Variants in RGS12 observed in about 807,000 individuals in gnomAD.
The protein encoded by RGS12 is regulator of G protein signaling 12, also known as regulator of G-protein signaling 12.
Under a neutral mutation model 120.1 loss-of-function variants are expected in RGS12, and 66 were observed. The ratio of observed to expected loss-of-function variants is 0.55; its 90% CI spans 0.45 to 0.67. RGS12 has a LOEUF of 0.67. Among genes scored for constraint, RGS12 ranks in the 30% least tolerant of loss-of-function variants. The pLI is 0.00. For missense variants in RGS12, 1,859 were observed against 1,957.7 expected (o/e 0.95, Z 0.95); for synonymous variants, 827 against 804.7 (o/e 1.03, Z -0.47).
chr4:3,328,199 G>A (rs1725690608), intron 2 of RGS12, among the ~76,000 whole-genome samples: 1 of 152,242 alleles, frequency 6.6e-6, no homozygotes. Flanking sequence ...GTGTACACAT[G>A]GATGGAGAGA....
At chr4:3,291,786 G>T (rs1324857884), upstream of RGS12, among the ~76,000 whole-genome samples, 2 of 152,188 alleles carry the variant, frequency 1.3e-5, no homozygotes, top group Non-Finnish European at 2.9e-5. Flanking sequence ...CCCTGCAGGT[G>T]AAAACAGTTC....
At chr4:3,423,405 C>T (rs1723248695) in intron 12 of RGS12, 110 bp from the exon 13 acceptor site, 3 of 1,425,050 alleles carry the variant, frequency 2.1e-6, no homozygotes, top group Middle Eastern at 1.8e-4. Context: ...CTGGGGGGCA[C>T]ACCGAGGCCT....
At chr4:3,398,179 A>G (rs28410709) in intron 4 of RGS12, among the ~76,000 whole-genome samples, 7,699 of 152,308 alleles carry the variant, frequency 0.051, 619 homozygotes, top group African/African-American at 0.18. Context: ...ATAATTGACC[A>G]CTGGAAGTGA....
Position 3,430,718 on chromosome 4 carries a change from A to G in RGS12, c.3877A>G (p.Lys1293Glu), listed in dbSNP as rs1281596855. Residue 1293 changes from lysine (K) to glutamate (E), a missense_variant, in exon 17 of 18, where the codon AAG becomes GAG. By Grantham distance (56) the Lys-to-Glu change is moderately conservative. Transcript: ENST00000336727. The part of the protein sequence containing the change: ...GPPGTTPPGQ[K>E]SPSGPFCTPQ... ...TCCTGGGACGACCCCCCCCGGGCAG[A>G]AGTCTCCCAGCGGGCCCTTCTGCAC... The G allele has an allele frequency of 6.3e-7, 1 of 1,588,390 alleles. No individual in the cohort carries two copies. The highest frequency in any genetic ancestry group is 1.1e-5 in the South Asian group (1 of 87,154).
chr4:3,286,602 G>C, the RGS12 span, among the ~76,000 whole-genome samples: 1 of 152,216 alleles, frequency 6.6e-6, no homozygotes, highest in Non-Finnish European at 1.5e-5. Flanking sequence ...CTGCGGTGTG[G>C]GGTTTGCTCT....
At chr4:3,306,404 T>C (rs1243117089) in intron 1 of RGS12, among the ~76,000 whole-genome samples, 2 of 152,120 alleles carry the variant, frequency 1.3e-5, no homozygotes, top group African/African-American at 2.4e-5. Flanking sequence ...CACTCCACCA[T>C]GGGGAGTGTG....
chr4:3,408,201 G>A (rs1265291755), intron 4 of RGS12, among the ~76,000 whole-genome samples: 2 of 152,208 alleles, frequency 1.3e-5, no homozygotes, highest in African/African-American at 2.4e-5. Flanking sequence ...AGCTGGGGTC[G>A]GAATGGTGGC....
intron 3 of RGS12, among the ~76,000 whole-genome samples, chr4:3,383,402 T>A (rs933587890): frequency 2.0e-5 from 3 of 152,062 alleles, no homozygotes; most frequent in Admixed American, 6.5e-5. Flanking sequence ...AGGCCAGGAA[T>A]TCAAGACCAG....
At chr4:3,296,665 G>A (rs1463761698) in intron 1 of RGS12, among the ~76,000 whole-genome samples, 2 of 152,302 alleles carry the variant, frequency 1.3e-5, no homozygotes, top group South Asian at 2.1e-4. Flanking sequence ...ACTTGTCTTC[G>A]AAATGACTTC....
At chr4:3,308,928 T>G (rs1333934038) in intron 1 of RGS12, among the ~76,000 whole-genome samples, 5 of 152,248 alleles carry the variant, frequency 3.3e-5, no homozygotes, top group Non-Finnish European at 4.4e-5. Flanking sequence ...TGTTGCAGCC[T>G]GAGCCTGCGT....
intron 4 of RGS12, among the ~76,000 whole-genome samples, chr4:3,396,026 A>C (rs1169346906): frequency 2.6e-5 from 4 of 152,246 alleles, no homozygotes; most frequent in Non-Finnish European, 5.9e-5. Flanking sequence ...AATGGTATGT[A>C]AACAGTTGTT....
chr4:3,359,866 G>C (rs999316102), intron 3 of RGS12, among the ~76,000 whole-genome samples: 12 of 151,824 alleles, frequency 7.9e-5, no homozygotes, highest in Non-Finnish European at 1.5e-4. Context: ...CAGGTGATCC[G>C]CCCACCTCAG....
intron 7 of RGS12, 140 bp from the exon 8 acceptor site, chr4:3,416,773 C>T (rs1722444285): frequency 1.4e-6 from 1 of 739,432 alleles, no homozygotes; most frequent in Admixed American, 2.5e-5. Flanking sequence ...ACCCTCAGGG[C>T]TGGCGGGGGA....
chr4:3,438,395 C>T (rs1393535909), intron 17 of RGS12, among the ~76,000 whole-genome samples: 2 of 149,448 alleles, frequency 1.3e-5, no homozygotes, highest in Non-Finnish European at 3.0e-5. Context: ...CTGGGCGGGT[C>T]GGCAACGTCA....
intron 1 of RGS12, among the ~76,000 whole-genome samples, chr4:3,303,122 G>A (rs982360237): frequency 2.0e-5 from 3 of 152,216 alleles, no homozygotes; most frequent in African/African-American, 4.8e-5. Context: ...GTTGAGGTTT[G>A]GGGAGGGACC....
Position 3,439,874 on chromosome 4 carries a change from T to C in RGS12, c.*190T>C. 1.8e-6 allele frequency: 1 copy of C among 552,418 alleles called. No homozygotes were observed. 34.2% of individuals were successfully genotyped at this position (552,418 alleles called of 1,614,324 possible). Reference sequence around the variant, plus strand: ...TGCTGGCCATGGGGCTCCCTGGCCCTGGCCTCCTGCTGCCCAATAAAGCAT... The same window carrying C: ...TGCTGGCCATGGGGCTCCCTGGCCCCGGCCTCCTGCTGCCCAATAAAGCAT... On this transcript the variant is annotated 3_prime_UTR_variant, in exon 18 of 18. Coordinates refer to ENST00000336727, the MANE Select transcript of RGS12 (RefSeq NM_001394154.1).
chr4:3,349,631 A>G (rs1253714561), intron 3 of RGS12, among the ~76,000 whole-genome samples: 1 of 152,126 alleles, frequency 6.6e-6, no homozygotes, highest in Admixed American at 6.5e-5. Context: ...TACTTTGTAT[A>G]CTGAAATATA....
chr4:3,407,084 A>G (rs144656155), intron 4 of RGS12, among the ~76,000 whole-genome samples: 1 of 152,228 alleles, frequency 6.6e-6, no homozygotes, highest in Non-Finnish European at 1.5e-5. Context: ...GCCTACAAGT[A>G]CTTTTTTTTC....
At chr4:3,373,849 A>T (rs1443304002) in intron 3 of RGS12, among the ~76,000 whole-genome samples, 1 of 152,238 alleles carries the variant, frequency 6.6e-6, no homozygotes, top group Non-Finnish European at 1.5e-5. Context: ...GAGTCTCGTC[A>T]TCTATATAAG....
Sources: allele counts gnomAD v4.1 joint callset (sites outside exome capture counted in the v4.1 genomes callset), GRCh38; gene constraint gnomAD v4.1.1; transcripts MANE v1.5; gene names NCBI Gene and HGNC (gene_info 2026-07-23, HGNC 2026-07-21).